The following ANXA8 variants were observed in gnomAD, a reference collection of about 807,000 sequenced individuals.
ANXA8 encodes the protein VAC-beta.
Under a neutral mutation model 26.8 loss-of-function variants are expected in ANXA8, and 9 were observed. The ratio of observed to expected loss-of-function variants is 0.34; its 90% CI spans 0.20 to 0.59. ANXA8 has a LOEUF of 0.59. Ranked by LOEUF, ANXA8 falls within the 20% of genes least tolerant of loss-of-function variation. The pLI is 0.84. For synonymous variants in ANXA8, 39 were observed against 94.8 expected, an observed-to-expected ratio of 0.41 and a Z score of 3.42; for missense variants, 83 against 238.5, an observed-to-expected ratio of 0.35 and a Z score of 4.29.
the ANXA8 span, among the ~76,000 whole-genome samples, chr10:47,905,487 T>C: frequency 7.0e-6 from 1 of 142,880 alleles, no homozygotes; most frequent in African/African-American, 2.7e-5. Flanking sequence ...ATCTGGCTTT[T>C]AAACTTTACC....
chr10:47,664,609 G>T, the ANXA8 span, among the ~76,000 whole-genome samples: 34 of 151,176 alleles, frequency 2.2e-4, no homozygotes, highest in African/African-American at 7.8e-4. Flanking sequence ...AGTAATTTTT[G>T]CAATTTTTTT....
upstream of ANXA8, among the ~76,000 whole-genome samples, chr10:47,486,079 G>C (rs1840039529): frequency 5.3e-5 from 8 of 151,268 alleles, no homozygotes; most frequent in South Asian, 1.7e-3. Context: ...CTGCACTCCT[G>C]CCTGGGCAAC....
chr10:47,940,388 T>C, the ANXA8 span, among the ~76,000 whole-genome samples: 66 of 146,726 alleles, frequency 4.5e-4, 4 homozygotes, highest in African/African-American at 1.8e-3. Context: ...AGGGAGGTGC[T>C]AGGCCAGCGA....
chr10:47,558,830 G>A, the ANXA8 span, among the ~76,000 whole-genome samples: 5,321 of 151,826 alleles, frequency 0.035, 261 homozygotes, highest in African/African-American at 0.1. Context: ...CTCTGCTGAA[G>A]GAGGAAAGGC....
At chr10:47,743,329 C>CATCTATATATACACAT in the ANXA8 span, among the ~76,000 whole-genome samples, 1 of 47,788 alleles carries the variant, frequency 2.1e-5, no homozygotes, top group Admixed American at 3.0e-4. Flanking sequence ...TATATATATA[C>CATCTATATATACACAT]ATATATATAT....
the ANXA8 span, among the ~76,000 whole-genome samples, chr10:47,711,026 A>G: frequency 6.0e-5 from 9 of 149,702 alleles, no homozygotes; most frequent in Non-Finnish European, 1.0e-4. Context: ...TTAATTCTGG[A>G]GAAGCTTCTA....
chr10:47,684,247 T>G, the ANXA8 span, among the ~76,000 whole-genome samples: 1 of 152,362 alleles, frequency 6.6e-6, no homozygotes, highest in East Asian at 1.9e-4. Context: ...CTGTATAATT[T>G]GGCTATCATA....
chr10:47,701,942 G>A, the ANXA8 span, among the ~76,000 whole-genome samples: 1 of 151,054 alleles, frequency 6.6e-6, no homozygotes, highest in African/African-American at 2.4e-5. Context: ...GATTCTATAA[G>A]GCTAATGACA....
the ANXA8 span, among the ~76,000 whole-genome samples, chr10:47,980,440 C>CA: frequency 4.0e-5 from 6 of 149,626 alleles, no homozygotes; most frequent in African/African-American, 1.2e-4. Context: ...ATAAATAAAA[C>CA]GGAATAGAAA....
At chr10:47,633,390 CGCA>C in the ANXA8 span, among the ~76,000 whole-genome samples, 1 of 89,648 alleles carries the variant, frequency 1.1e-5, no homozygotes, top group Non-Finnish European at 2.1e-5. Context: ...CGATTAAATC[CGCA>C]GATCTGCCCT....
chr10:47,580,567 C>G, the ANXA8 span, among the ~76,000 whole-genome samples: 1 of 150,330 alleles, frequency 6.7e-6, no homozygotes, highest in East Asian at 1.9e-4. Context: ...AAAACCCTGT[C>G]TCTACGAAAA....
the ANXA8 span, among the ~76,000 whole-genome samples, chr10:47,573,272 G>A: frequency 1.3e-3 from 189 of 149,754 alleles, 15 homozygotes; most frequent in African/African-American, 4.3e-3. Flanking sequence ...GTGAGCCACC[G>A]TGCCCAGCCA....
At chr10:47,777,399 C>T in the ANXA8 span, among the ~76,000 whole-genome samples, 1 of 152,042 alleles carries the variant, frequency 6.6e-6, no homozygotes, top group Admixed American at 6.5e-5. Context: ...GCAATCCTCC[C>T]ATCTTGGCCT....
the ANXA8 span, among the ~76,000 whole-genome samples, chr10:47,971,149 C>T: frequency 1.3e-5 from 2 of 151,178 alleles, no homozygotes; most frequent in Non-Finnish European, 1.5e-5. Context: ...TTGGTGGCTG[C>T]CTCTTTATTT....
chr10:47,561,665 C>T, the ANXA8 span, among the ~76,000 whole-genome samples: 4 of 151,604 alleles, frequency 2.6e-5, no homozygotes, highest in South Asian at 4.2e-4. Context: ...TCAGAATATT[C>T]GTATATTAAT....
At chr10:47,572,946 T>C in the ANXA8 span, among the ~76,000 whole-genome samples, 2 of 150,700 alleles carry the variant, frequency 1.3e-5, no homozygotes, top group East Asian at 3.9e-4. Flanking sequence ...ACAAACTGTG[T>C]GCTTCAGACT....
At chr10:47,486,148 G>GCAGTGACTCAGTCTC (rs1384935504), upstream of ANXA8, among the ~76,000 whole-genome samples, 7 of 151,622 alleles carry the variant, frequency 4.6e-5, no homozygotes, top group Non-Finnish European at 8.8e-5. Context: ...AGGATGATGA[G>GCAGTGACTCAGTCTC]CAGTGACTCA....
chr10:47,618,795 CAAAAT>C, the ANXA8 span, among the ~76,000 whole-genome samples: 1 of 111,406 alleles, frequency 9.0e-6, no homozygotes, highest in African/African-American at 3.5e-5. Flanking sequence ...CAAAATAAAA[CAAAAT>C]AGAAAATGAT....
At chr10:47,536,839 A>G in the ANXA8 span, among the ~76,000 whole-genome samples, 2 of 120,648 alleles carry the variant, frequency 1.7e-5, 1 homozygote, top group Non-Finnish European at 3.2e-5. Flanking sequence ...TCATTTCCCA[A>G]ATTTGAAGAG....
Sources: gnomAD v4.1 joint callset for allele counts (sites outside exome capture counted in the v4.1 genomes callset) on GRCh38, gnomAD v4.1.1 for gene constraint, MANE v1.5 for transcripts, NCBI Gene and HGNC (gene_info 2026-07-23, HGNC 2026-07-21) for gene names.